Variants in AMPH observed in about 807,000 individuals in gnomAD.
AMPH encodes the protein amphiphysin, also known as amphiphysin (Stiff-Mann syndrome with breast cancer 128kD autoantigen).
A neutral mutation model predicts 99.1 loss-of-function variants in AMPH; 49 were observed. The ratio of observed to expected loss-of-function variants is 0.49; its 90% CI spans 0.39 to 0.63. The LOEUF is 0.63. Among genes scored for constraint, AMPH ranks in the 20% least tolerant of loss-of-function variants. The pLI is 0.00. For missense variants in AMPH, 759 were observed against 863.4 expected, an observed-to-expected ratio of 0.88 and a Z score of 1.52; for synonymous variants, 314 against 317.3, an observed-to-expected ratio of 0.99 and a Z score of 0.11.
chr7:38,512,359 C>T lies in AMPH; in HGVS notation c.151-8655G>A, dbSNP rs112551503. ...TGTTCAAAACCATTTCCGATAGTCT[C>T]CCTGGGCTTGGATGAGAGATATGCC... is the stretch of plus-strand genomic sequence containing the variant. On this transcript the variant is annotated intron_variant, in intron 2 of 20. Coordinates refer to ENST00000356264, the MANE Select transcript of AMPH (RefSeq NM_001635.4). Among the ~76,000 whole-genome samples, 276 of 152,334 alleles carry T rather than the reference C, an allele frequency of 1.8e-3. 3 individuals are homozygous for T. In the Middle Eastern group the frequency reaches 0.027, roughly 15 times the overall value.
intron 1 of AMPH, among the ~76,000 whole-genome samples, chr7:38,620,238 T>C (rs955120773): frequency 1.3e-5 from 2 of 152,028 alleles, no homozygotes; most frequent in Admixed American, 1.3e-4. Context: ...GCCTTAATTA[T>C]ATTTCTCTCT....
At chr7:38,507,920 G>C (rs985772903) in intron 2 of AMPH, among the ~76,000 whole-genome samples, 3 of 152,094 alleles carry the variant, frequency 2.0e-5, no homozygotes, top group Non-Finnish European at 4.4e-5. Flanking sequence ...CAACGGGTGT[G>C]GGAAATTATT....
At chr7:38,622,484 A>G (rs917910208) in intron 1 of AMPH, among the ~76,000 whole-genome samples, 20 of 131,458 alleles carry the variant, frequency 1.5e-4, no homozygotes, top group Admixed American at 1.4e-3. Flanking sequence ...CACACGCACA[A>G]ACACATCCCC....
In AMPH at chr7:38,402,126, C is replaced by A. The variant is rs548432193; in HGVS notation, c.1399-7912G>T. ...ATATTACATTTCCTCCCCTTAAAAT[C>A]TTTTCTCATGTTATTGAGTTCCCTT... On this transcript the variant is annotated intron_variant, in intron 17 of 20. Coordinates refer to ENST00000356264, the MANE Select transcript of AMPH (RefSeq NM_001635.4). Among the ~76,000 whole-genome samples, 7 of 152,236 alleles carry A rather than the reference C, an allele frequency of 4.6e-5. No homozygotes were observed. In the East Asian group the frequency reaches 9.7e-4, roughly 21 times the overall value.
Position 38,461,416 on chromosome 7 carries a change from G to A in AMPH, c.889-5C>T, listed in dbSNP as rs553277164. On this transcript the variant is annotated splice_region_variant and splice_polypyrimidine_tract_variant and intron_variant, in intron 10 of 20. Coordinates refer to ENST00000356264, the MANE Select transcript of AMPH (RefSeq NM_001635.4). ...GACAGGAGGCCCTTTCCTTGTCTAG[G>A]AAGCATTAAATACAAACATTAATCC... is the stretch of plus-strand genomic sequence containing the variant. 6.2e-7 allele frequency: 1 copy of A among 1,613,998 alleles called. No homozygotes were observed. The highest frequency in any genetic ancestry group is 1.3e-5 in the African/African-American group (1 of 75,052).
At chr7:38,545,966 G>T (rs763057004) in intron 1 of AMPH, among the ~76,000 whole-genome samples, 5 of 152,120 alleles carry the variant, frequency 3.3e-5, no homozygotes, top group African/African-American at 9.7e-5. Context: ...AAAAATACAG[G>T]GGGGGATGAT....
At chr7:38,540,368 T>C (rs77795130) in intron 1 of AMPH, among the ~76,000 whole-genome samples, 3,549 of 152,162 alleles carry the variant, frequency 0.023, 163 homozygotes, top group African/African-American at 0.081. Flanking sequence ...CATATTCTGT[T>C]AGGGATGTGT....
At chr7:38,620,548 T>C (rs73692930) in intron 1 of AMPH, among the ~76,000 whole-genome samples, 2,672 of 133,016 alleles carry the variant, frequency 0.02, 49 homozygotes, top group Admixed American at 0.053. Context: ...TATACATACA[T>C]ACACACACAC....
intron 11 of AMPH, among the ~76,000 whole-genome samples, chr7:38,457,780 A>G (rs963117093): frequency 1.3e-5 from 2 of 152,352 alleles, no homozygotes; most frequent in East Asian, 3.9e-4. Context: ...TAAGGCAAAA[A>G]TAAAAGACAG....
chr7:38,628,862 A>C (rs1794355074), intron 1 of AMPH, among the ~76,000 whole-genome samples: 1 of 152,214 alleles, frequency 6.6e-6, no homozygotes. Context: ...CAGTAAGAAA[A>C]AAACGTATTT....
At chr7:38,398,961 A>G (rs1413813431) in intron 17 of AMPH, among the ~76,000 whole-genome samples, 6 of 152,132 alleles carry the variant, frequency 3.9e-5, no homozygotes, top group Non-Finnish European at 8.8e-5. Context: ...TGTAGGAGCA[A>G]ATACCTCAGC....
Position 38,391,858 on chromosome 7 carries a change from G to A in AMPH, c.1768C>T (p.Pro590Ser). 6.2e-7 allele frequency: 1 copy of A among 1,612,866 alleles called. No individual in the cohort carries two copies. The highest frequency in any genetic ancestry group is 8.5e-7 in the Non-Finnish European group (1 of 1,179,726). The part of the protein sequence containing the change: ...ETPELATEQK[P>S]IQDPQPTPSA... ...GGCGTGGGCTGAGGGTCCTGGATAG[G>A]CTTCTGCTCCGTAGCCAGCTCCGGT... Residue 590 changes from proline (P) to serine (S), a missense_variant, in exon 19 of 21, where the codon CCT becomes TCT. Pro to Ser is a moderately conservative substitution (Grantham distance 74). Coordinates refer to ENST00000356264, the MANE Select transcript of AMPH (RefSeq NM_001635.4).
chr7:38,431,949 T>C, intron 13 of AMPH: 1 of 565,532 alleles, frequency 1.8e-6, no homozygotes, highest in Non-Finnish European at 3.2e-6. Flanking sequence ...CTCTTGACCA[T>C]TATTCAAATT....
At chr7:38,541,494 C>T (rs1218023953) in intron 1 of AMPH, among the ~76,000 whole-genome samples, 1 of 152,196 alleles carries the variant, frequency 6.6e-6, no homozygotes, top group Non-Finnish European at 1.5e-5. Flanking sequence ...AAGGTCCTCA[C>T]ATTGTCCTCC....
intron 1 of AMPH, among the ~76,000 whole-genome samples, chr7:38,561,867 A>G (rs1012251940): frequency 6.6e-6 from 1 of 152,112 alleles, no homozygotes; most frequent in Non-Finnish European, 1.5e-5. Context: ...TGCAAAAGCA[A>G]GAAGAGGCTT....
At chr7:38,590,225 T>C (rs1247690413) in intron 1 of AMPH, among the ~76,000 whole-genome samples, 1 of 152,134 alleles carries the variant, frequency 6.6e-6, no homozygotes, top group Non-Finnish European at 1.5e-5. Flanking sequence ...GCGACTAGTG[T>C]TCAGCTTGAT....
At chr7:38,463,247 A>G (rs1231273622) in intron 9 of AMPH, 134 bp from the exon 10 acceptor site, 5 of 1,165,738 alleles carry the variant, frequency 4.3e-6, no homozygotes. Context: ...TTCCAGGTTA[A>G]TTCTGGTTAA....
intron 17 of AMPH, among the ~76,000 whole-genome samples, chr7:38,399,923 T>A (rs1044158262): frequency 6.6e-6 from 1 of 152,178 alleles, no homozygotes; most frequent in Non-Finnish European, 1.5e-5. Context: ...GGCACATATT[T>A]ACTATATCCA....
intron 17 of AMPH, among the ~76,000 whole-genome samples, chr7:38,414,480 C>T (rs1785308088): frequency 6.6e-6 from 1 of 151,964 alleles, no homozygotes; most frequent in South Asian, 2.1e-4. Context: ...AAAATACAGG[C>T]ACTGACAGAA....
Sources: gnomAD v4.1 joint callset for allele counts (sites outside exome capture counted in the v4.1 genomes callset) on GRCh38, gnomAD v4.1.1 for gene constraint, MANE v1.5 for transcripts, NCBI Gene and HGNC (gene_info 2026-07-23, HGNC 2026-07-21) for gene names.